Variants in XPA observed in about 807,000 individuals in gnomAD.
XPA encodes DNA repair protein complementing XP-A cells.
A neutral mutation model predicts 35.7 loss-of-function variants in XPA; 27 were observed. That is an observed-to-expected ratio of 0.76 (90% CI 0.56 to 1.04). XPA has a LOEUF of 1.04. Among genes scored for constraint, XPA ranks in the 50% least tolerant of loss-of-function variants. The pLI, the probability that XPA is intolerant of heterozygous loss-of-function variation, is 0.00. For missense variants in XPA, 354 were observed against 342.7 expected (o/e 1.03, Z -0.26); for synonymous variants, 133 against 118.4 (o/e 1.12, Z -0.80).
chr9:97,656,353 G>A, the XPA span, among the ~76,000 whole-genome samples: 1 of 152,202 alleles, frequency 6.6e-6, no homozygotes, highest in African/African-American at 2.4e-5. Context: ...AGGCCAAAGC[G>A]GGTGGATCAC....
intron 1 of XPA, among the ~76,000 whole-genome samples, chr9:97,695,756 A>G (rs892235175): frequency 1.3e-5 from 2 of 152,240 alleles, no homozygotes; most frequent in African/African-American, 4.8e-5. Context: ...CCATGAAATA[A>G]AAGTGTCACA....
chr9:97,654,586 T>C, the XPA span, among the ~76,000 whole-genome samples: 1 of 151,672 alleles, frequency 6.6e-6, no homozygotes, highest in South Asian at 2.1e-4. Flanking sequence ...AAAGAAGCAA[T>C]TTCTGCTAAG....
chr9:97,694,432 C>A (rs1828983729), intron 1 of XPA, among the ~76,000 whole-genome samples: 1 of 152,168 alleles, frequency 6.6e-6, no homozygotes, highest in Admixed American at 6.5e-5. Flanking sequence ...AAAAGACAAC[C>A]CAACTTTTAA....
At chr9:97,683,052 C>T (rs541667981) in intron 5 of XPA, among the ~76,000 whole-genome samples, 2 of 152,272 alleles carry the variant, frequency 1.3e-5, no homozygotes, top group South Asian at 4.1e-4. Flanking sequence ...AATATTTCAT[C>T]ACTTTGCAGA....
chr9:97,663,584 A>C, the XPA span, among the ~76,000 whole-genome samples: 1 of 151,894 alleles, frequency 6.6e-6, no homozygotes. Context: ...TCCCGGGTTC[A>C]AGTGATTCCC....
At chr9:97,678,451 AC>A (rs1828437439) in intron 5 of XPA, among the ~76,000 whole-genome samples, 3 of 152,160 alleles carry the variant, frequency 2.0e-5, no homozygotes, top group Admixed American at 1.3e-4. Flanking sequence ...GTCAAAAGAT[AC>A]AAAAGCTAGT....
intron 5 of XPA, among the ~76,000 whole-genome samples, chr9:97,676,528 A>G (rs3176745): frequency 0.011 from 1,669 of 152,330 alleles, 20 homozygotes; most frequent in African/African-American, 0.037. Context: ...AATAACATAC[A>G]TCAAGTAATC....
At chr9:97,670,990 C>T (rs578006520), downstream of XPA, 13 of 686,212 alleles carry the variant, frequency 1.9e-5, no homozygotes, top group South Asian at 1.7e-4. Context: ...CTCTTTTCAT[C>T]ATTCTGCAGC....
chr9:97,690,574 G>A (rs916938491), intron 2 of XPA, among the ~76,000 whole-genome samples: 11 of 152,166 alleles, frequency 7.2e-5, no homozygotes, highest in African/African-American at 2.7e-4. Context: ...TTTTAGTAGA[G>A]ATGGGGTTTT....
At position 97,695,382 on chromosome 9, in the gene XPA, T is replaced by C. The variant is rs377722578; in HGVS notation, c.173-1623A>G. ...CTGTTCATCTCTCTGTATCCCTTCA[T>C]TAGACTGAGTGCCTTTACTTGTATA... On this transcript the variant is annotated intron_variant, in intron 1 of 5. Transcript: ENST00000375128. Among the ~76,000 whole-genome samples the C allele has an allele frequency of 4.6e-5, 7 of 152,216 alleles. No individual in the cohort carries two copies. In the East Asian group the frequency reaches 9.6e-4, roughly 21 times the overall value.
At chr9:97,674,854 A>G (rs1467880317), downstream of XPA, 2 of 422,610 alleles carry the variant, frequency 4.7e-6, no homozygotes, top group African/African-American at 2.0e-5. Context: ...TTAAAAAGCT[A>G]TCTAGACTAA....
the XPA span, chr9:97,664,525 G>A: frequency 1.1e-6 from 1 of 933,488 alleles, no homozygotes; most frequent in South Asian, 1.6e-5. Flanking sequence ...TTCAAATTCT[G>A]GTCCAAACCA....
chr9:97,655,934 T>C, the XPA span: 15 of 1,433,468 alleles, frequency 1.0e-5, no homozygotes, highest in South Asian at 3.6e-5. Flanking sequence ...TGTTATAAGT[T>C]AACAGATAAT....
chr9:97,656,547 A>T, the XPA span, among the ~76,000 whole-genome samples: 1,864 of 152,344 alleles, frequency 0.012, 14 homozygotes, highest in Non-Finnish European at 0.019. Context: ...CGACACTCTT[A>T]TCTCAAAAAA....
the XPA span, chr9:97,661,937 A>G: frequency 1.6e-6 from 1 of 612,654 alleles, no homozygotes; most frequent in Middle Eastern, 3.7e-4. Flanking sequence ...CATTACACAA[A>G]TATCTGTGTA....
chr9:97,682,026 TAAC>T, intron 5 of XPA, among the ~76,000 whole-genome samples: 1 of 151,468 alleles, frequency 6.6e-6, no homozygotes, highest in Non-Finnish European at 1.5e-5. Flanking sequence ...TTGAATTCAC[TAAC>T]AAGAAAACAC....
the XPA span, among the ~76,000 whole-genome samples, chr9:97,660,770 T>A: frequency 6.6e-6 from 1 of 152,252 alleles, no homozygotes; most frequent in Non-Finnish European, 1.5e-5. Context: ...ATTAACCTAT[T>A]AGAAAAAGCT....
chr9:97,693,786 C>T (rs1313885378), intron 1 of XPA, 27 bp from the exon 2 acceptor site: 1 of 1,601,822 alleles, frequency 6.2e-7, no homozygotes, highest in Non-Finnish European at 8.5e-7. Flanking sequence ...AAGCAGTCAA[C>T]AATTGAAGTA....
chr9:97,680,828 C>T (rs1182423801), intron 5 of XPA, among the ~76,000 whole-genome samples: 2 of 152,114 alleles, frequency 1.3e-5, no homozygotes, highest in Non-Finnish European at 2.9e-5. Context: ...AATCGACTTT[C>T]GGGGAGCTGA....
Sources: gnomAD v4.1 joint callset for allele counts (sites outside exome capture counted in the v4.1 genomes callset) on GRCh38, gnomAD v4.1.1 for gene constraint, MANE v1.5 for transcripts, NCBI Gene and HGNC (gene_info 2026-07-23, HGNC 2026-07-21) for gene names.